Variants in PKHD1 observed in about 807,000 individuals in gnomAD.
The protein encoded by PKHD1 is fibrocystin.
A neutral mutation model predicts 412.0 loss-of-function variants in PKHD1; 291 were observed. That is an observed-to-expected ratio of 0.71 (90% CI 0.64 to 0.78). PKHD1 has a LOEUF of 0.78. PKHD1 is among the 30% of genes least tolerant of loss of function. The pLI is 0.00. For synonymous variants in PKHD1, 1,777 were observed against 1,821.5 expected (o/e 0.98, Z 0.62); for missense variants, 4,825 against 4,950.7 (o/e 0.97, Z 0.76).
intron 60 of PKHD1, among the ~76,000 whole-genome samples, chr6:51,663,946 G>C (rs1773283945): frequency 6.6e-6 from 1 of 151,892 alleles, no homozygotes; most frequent in Non-Finnish European, 1.5e-5. Flanking sequence ...AAGCATTTTG[G>C]GAACAATTCA....
Position 52,010,338 on chromosome 6 carries a change from T to G in PKHD1, c.5722A>C (p.Ile1908Leu). ...NQPITVKITEIRKRWGQNTQG... is the reference protein window; with the variant it reads ...NQPITVKITELRKRWGQNTQG... ...GTGTTCTGGCCCCAGCGTTTCCGTATCTCAGTAATCTTGACGGTAATTGGC... is the reference window on the plus strand; with the variant it reads ...GTGTTCTGGCCCCAGCGTTTCCGTAGCTCAGTAATCTTGACGGTAATTGGC... Residue 1908 changes from isoleucine (I) to leucine (L), a missense_variant, in exon 35 of 67, where the codon ATA (isoleucine) becomes CTA (leucine). By Grantham distance (5) the Ile-to-Leu change is conservative. Coordinates refer to ENST00000371117, the MANE Select transcript of PKHD1 (RefSeq NM_138694.4). 6.2e-7 allele frequency: 1 copy of G among 1,613,936 alleles called. No homozygotes were observed. Among genetic ancestry groups the G allele is most frequent in the Non-Finnish European group, 8.5e-7 (1 of 1,179,876 alleles).
chr6:51,999,401 C>A (rs1798097091), intron 35 of PKHD1, among the ~76,000 whole-genome samples: 3 of 152,236 alleles, frequency 2.0e-5, no homozygotes, highest in Admixed American at 2.0e-4. Flanking sequence ...TCGATGAAGT[C>A]CGTTTCCATA....
chr6:51,981,361 C>A (rs1288683342), intron 35 of PKHD1, among the ~76,000 whole-genome samples: 1 of 103,188 alleles, frequency 9.7e-6, no homozygotes, highest in East Asian at 3.0e-4. Context: ...CCCTCTCCCT[C>A]TCCCTCTCCC....
At chr6:51,971,029 T>C (rs1016021626) in intron 35 of PKHD1, among the ~76,000 whole-genome samples, 11 of 152,186 alleles carry the variant, frequency 7.2e-5, no homozygotes, top group Admixed American at 2.0e-4. Context: ...AATCTGTAGA[T>C]TGCTTTCAAT....
intron 35 of PKHD1, among the ~76,000 whole-genome samples, chr6:51,973,087 C>T (rs995416841): frequency 6.6e-6 from 1 of 151,982 alleles, no homozygotes; most frequent in East Asian, 1.9e-4. Context: ...ACTTAAATAC[C>T]CCAGTGATTA....
At position 51,778,103 on chromosome 6, in the gene PKHD1, A is replaced by T. The variant is rs187560191; in HGVS notation, c.8441-2182T>A. On this transcript the variant is annotated intron_variant, in intron 53 of 66. Transcript: ENST00000371117. ...TAAATGGAAAGCTTTAAAGGCTGAG[A>T]TCCTCATTTTCTTCTCAATCTAGCA... is the stretch of plus-strand genomic sequence containing the variant. Among the ~76,000 whole-genome samples the T allele has an allele frequency of 2.2e-4, 26 of 118,310 alleles. No individual in the cohort carries two copies. The East Asian group carries it at 3.5e-3, about 16-fold the overall frequency. The allele number at this position is 118,310 out of a possible 152,430, so 77.6% of individuals were successfully genotyped here.
intron 43 of PKHD1, among the ~76,000 whole-genome samples, chr6:51,891,293 T>G (rs1779081211): frequency 6.6e-6 from 1 of 152,248 alleles, no homozygotes; most frequent in Admixed American, 6.5e-5. Context: ...TTGTTTTCTT[T>G]TTTGAGATGG....
chr6:51,682,462 G>A (rs143887221), intron 60 of PKHD1, among the ~76,000 whole-genome samples: 23 of 152,176 alleles, frequency 1.5e-4, no homozygotes, highest in Non-Finnish European at 3.1e-4. Flanking sequence ...GATTACTGAA[G>A]TAATTAGGTA....
At chr6:51,961,629 T>C (rs975811137) in intron 35 of PKHD1, among the ~76,000 whole-genome samples, 12 of 152,194 alleles carry the variant, frequency 7.9e-5, no homozygotes, top group Admixed American at 3.3e-4. Flanking sequence ...TATAACCCTT[T>C]AATTTACTCC....
chr6:51,884,169 G>T (rs1268298547), intron 45 of PKHD1, among the ~76,000 whole-genome samples: 3 of 152,272 alleles, frequency 2.0e-5, no homozygotes, highest in Middle Eastern at 6.8e-3. Flanking sequence ...AATACATAAT[G>T]ACTCATTTGA....
chr6:51,792,191 C>T (rs951775294), intron 52 of PKHD1, among the ~76,000 whole-genome samples: 10 of 152,050 alleles, frequency 6.6e-5, no homozygotes. Flanking sequence ...AATATATAAA[C>T]ACAACATTTT....
chr6:51,694,451 T>G (rs1377644595), intron 60 of PKHD1, among the ~76,000 whole-genome samples: 1 of 151,220 alleles, frequency 6.6e-6, no homozygotes, highest in Non-Finnish European at 1.5e-5. Flanking sequence ...TGGCGTGATC[T>G]CGGCTCACTG....
intron 61 of PKHD1, among the ~76,000 whole-genome samples, chr6:51,656,663 C>CT (rs5876230): frequency 0.63 from 89,973 of 142,090 alleles, 30,187 homozygotes; most frequent in Non-Finnish European, 0.76. Context: ...GCTTTTCTTT[C>CT]TTTTTTTTTT....
intron 53 of PKHD1, among the ~76,000 whole-genome samples, chr6:51,786,833 T>C (rs779075737): frequency 4.6e-5 from 7 of 152,208 alleles, no homozygotes; most frequent in African/African-American, 7.2e-5. Context: ...AGTAAACCCA[T>C]GTTAAATGAA....
chr6:52,070,288 C>T, intron 10 of PKHD1, 118 bp downstream of exon 10: 1 of 751,312 alleles, frequency 1.3e-6, no homozygotes, highest in Non-Finnish European at 2.4e-6. Context: ...TTATACTATT[C>T]TGTTTTTATA....
At chr6:51,628,443 T>C (rs1337105860) in intron 65 of PKHD1, among the ~76,000 whole-genome samples, 1 of 152,234 alleles carries the variant, frequency 6.6e-6, no homozygotes, top group Admixed American at 6.5e-5. Flanking sequence ...TTCCATGGTA[T>C]ATATGTATCA....
chr6:52,082,848 G>GC (rs748006409), intron 3 of PKHD1, among the ~76,000 whole-genome samples: 1 of 152,198 alleles, frequency 6.6e-6, no homozygotes, highest in Non-Finnish European at 1.5e-5. Flanking sequence ...GTAGAGGACT[G>GC]TCTTTAAGGA....
At chr6:51,797,918 A>G (rs1374663387) in intron 52 of PKHD1, among the ~76,000 whole-genome samples, 2 of 152,102 alleles carry the variant, frequency 1.3e-5, no homozygotes, top group African/African-American at 2.4e-5. Context: ...TGTGTATTTC[A>G]GTGTGTTTTT....
At chr6:51,820,646 CA>C (rs1212975495) in intron 52 of PKHD1, among the ~76,000 whole-genome samples, 1 of 152,158 alleles carries the variant, frequency 6.6e-6, no homozygotes, top group East Asian at 1.9e-4. Context: ...ACCAGACTGC[CA>C]AAGGGATCTG....
Sources: gnomAD v4.1 joint callset for allele counts (sites outside exome capture counted in the v4.1 genomes callset) on GRCh38, gnomAD v4.1.1 for gene constraint, MANE v1.5 for transcripts, NCBI Gene and HGNC (gene_info 2026-07-23, HGNC 2026-07-21) for gene names.